PGPEP1L: variants seen among roughly 807,000 people sequenced by gnomAD.
PGPEP1L encodes pyroglutamyl-peptidase I like, also known as pyroglutamyl-peptidase 1-like protein.
PGPEP1L carries 7 observed loss-of-function variants against 6.0 expected under a neutral mutation model. The observed-to-expected ratio is 1.17, with a 90% confidence interval of 0.66 to 2.19. The LOEUF is 2.19. Among genes scored for constraint, PGPEP1L ranks in the 30% most tolerant of loss-of-function variants. The probability of loss-of-function intolerance (pLI) is 0.00; values close to 1 mark genes in which losing one functional copy is unlikely to be tolerated. For missense variants in PGPEP1L, 209 were observed against 192.5 expected (o/e 1.09, Z -0.51); for synonymous variants, 103 against 83.9 (o/e 1.23, Z -1.24).
chr15:98,982,699 G>GGTTTTTTTTTT (rs1567237917), intron 2 of PGPEP1L, among the ~76,000 whole-genome samples: 1 of 73,466 alleles, frequency 1.4e-5, no homozygotes. Context: ...TTTATCTGAG[G>GGTTTTTTTTTT]CTTTTTTTTT....
At chr15:98,999,871 A>C (rs902189181) in intron 2 of PGPEP1L, among the ~76,000 whole-genome samples, 1 of 152,276 alleles carries the variant, frequency 6.6e-6, no homozygotes, top group Non-Finnish European at 1.5e-5. Flanking sequence ...GCTACTGAGA[A>C]GGTGACAGCA....
chr15:98,977,323 T>C lies in PGPEP1L; in HGVS notation c.-141-6165A>G, dbSNP rs151274999. ...TTCTTAAGATAGAAATCAAAGTCACTGATTTGAGAACTTTCTTCTGCTATA... is the reference window on the plus strand; with the variant it reads ...TTCTTAAGATAGAAATCAAAGTCACCGATTTGAGAACTTTCTTCTGCTATA... On this transcript the variant is annotated intron_variant, in intron 2 of 4. Transcript: ENST00000535714. 9.7e-3 allele frequency among the ~76,000 whole-genome samples: 1,471 copies of C among 152,380 alleles called. 15 individuals carry two copies. Among genetic ancestry groups the C allele is most frequent in the Non-Finnish European group, 0.015 (1,007 of 68,030 alleles).
chr15:98,988,163 G>C (rs1399167986), intron 2 of PGPEP1L, among the ~76,000 whole-genome samples: 2 of 152,050 alleles, frequency 1.3e-5, no homozygotes, highest in African/African-American at 4.8e-5. Flanking sequence ...CCTGGAAAGA[G>C]GGTTGAAGCC....
Position 98,991,149 on chromosome 15 carries a change from C to CA in PGPEP1L, c.-142+14279dup, listed in dbSNP as rs141425966. ...GGAGATAGAGGCATGAAAAACCCTT[C>CA]AAAAAAAAAATCAATGAATCCAGGA... On this transcript the variant is annotated intron_variant, in intron 2 of 4. Coordinates refer to ENST00000535714, the MANE Select transcript of PGPEP1L (RefSeq NM_001167902.2). Among the ~76,000 whole-genome samples the CA allele has an allele frequency of 4.0e-3, 593 of 147,584 alleles. 3 individuals are homozygous for CA. The highest frequency in any genetic ancestry group is 0.014 in the Middle Eastern group (4 of 286).
chr15:98,984,437 G>A (rs181300394), intron 2 of PGPEP1L, among the ~76,000 whole-genome samples: 72 of 152,232 alleles, frequency 4.7e-4, no homozygotes, highest in African/African-American at 1.5e-3. Context: ...ACACATAGCC[G>A]GGCCCTTGGT....
At chr15:98,969,145 G>A (rs772890042) in intron 4 of PGPEP1L, among the ~76,000 whole-genome samples, 5 of 152,206 alleles carry the variant, frequency 3.3e-5, no homozygotes, top group Non-Finnish European at 7.3e-5. Context: ...AAACATTCAC[G>A]AAATGTTAGT....
rs371044221 is a variant in PGPEP1L at position 99,003,053 on chromosome 15, TTC to T, written c.-142+2374_-142+2375del. 5.4e-3 allele frequency among the ~76,000 whole-genome samples: 821 copies of T among 152,228 alleles called. 9 individuals carry two copies. The highest frequency in any genetic ancestry group is 0.017 in the African/African-American group (722 of 41,514). ...GTTGGCTCATGAGGAAGTAAAAACT[TTC>T]TGAGGGAATGAAACAGTTTTGGACA... On this transcript the variant is annotated intron_variant, in intron 2 of 4. Transcript: ENST00000535714.
intron 3 of PGPEP1L, among the ~76,000 whole-genome samples, chr15:98,969,961 A>G (rs1359888207): frequency 6.6e-6 from 1 of 152,060 alleles, no homozygotes; most frequent in Non-Finnish European, 1.5e-5. Flanking sequence ...GAGGGAGGAG[A>G]GGCAAGCTAG....
chr15:98,989,444 A>G (rs986107001), intron 2 of PGPEP1L, among the ~76,000 whole-genome samples: 24 of 152,280 alleles, frequency 1.6e-4, no homozygotes, highest in African/African-American at 5.8e-4. Context: ...AAAAAGAGTG[A>G]AAAGAAACAA....
At chr15:98,972,162 G>T (rs2017506267) in intron 2 of PGPEP1L, among the ~76,000 whole-genome samples, 2 of 152,076 alleles carry the variant, frequency 1.3e-5, no homozygotes. Context: ...ACACCAGCAT[G>T]ACTAACATGG....
intron 2 of PGPEP1L, among the ~76,000 whole-genome samples, chr15:98,983,049 C>A (rs2017690809): frequency 6.6e-6 from 1 of 151,850 alleles, no homozygotes; most frequent in Non-Finnish European, 1.5e-5. Flanking sequence ...CAAAACAAAC[C>A]CACTCTGGAC....
chr15:98,999,480 G>A (rs943951681), intron 2 of PGPEP1L, among the ~76,000 whole-genome samples: 5 of 152,190 alleles, frequency 3.3e-5, no homozygotes, highest in African/African-American at 1.2e-4. Context: ...CACATTGCTG[G>A]TGGGAATATA....
rs1044474552 is a variant in PGPEP1L, at chr15:98,971,245, G to A, written c.-141-87C>T. On this transcript the variant is annotated intron_variant, in intron 2 of 4. Transcript: ENST00000535714. Reference sequence around the variant, plus strand: ...AGAGTCCCTGAAAACCCAATCCTTGGGGTCTACTTCCAGGGGTCTTCCGCA... The same window carrying A: ...AGAGTCCCTGAAAACCCAATCCTTGAGGTCTACTTCCAGGGGTCTTCCGCA... 77 of 1,439,356 alleles carry A rather than the reference G, an allele frequency of 5.3e-5. 3 individuals are homozygous for A. The highest frequency in any genetic ancestry group is 6.9e-5 in the Non-Finnish European group (74 of 1,077,420). 89.2% of individuals were successfully genotyped at this position (1,439,356 alleles called of 1,614,324 possible).
At position 98,990,122 on chromosome 15, in the gene PGPEP1L, C is replaced by T. The variant is rs543086467; in HGVS notation, c.-142+15307G>A. On this transcript the variant is annotated intron_variant, in intron 2 of 4. Transcript: ENST00000535714. The stretch of plus-strand genomic sequence containing the variant: ...TATCATAATGACAGGATCAAATTCA[C>T]ACATAACAATATTAACCTTAAATGT... 5.9e-5 allele frequency among the ~76,000 whole-genome samples: 9 copies of T among 152,298 alleles called. No homozygotes were observed. The East Asian group carries it at 1.3e-3, about 23-fold the overall frequency.
chr15:99,003,572 C>G (rs2018005320), intron 2 of PGPEP1L, among the ~76,000 whole-genome samples: 1 of 152,130 alleles, frequency 6.6e-6, no homozygotes, highest in Non-Finnish European at 1.5e-5. Context: ...AGCCCTCGTT[C>G]TCCCACCATC....
chr15:99,003,052 T>C (rs2017996674), intron 2 of PGPEP1L, among the ~76,000 whole-genome samples: 1 of 151,982 alleles, frequency 6.6e-6, no homozygotes. Context: ...AAGTAAAAAC[T>C]TTCTGAGGGA....
chr15:99,007,026 G>A (rs754097763), intron 1 of PGPEP1L, among the ~76,000 whole-genome samples: 4 of 152,072 alleles, frequency 2.6e-5, no homozygotes, highest in Non-Finnish European at 5.9e-5. Context: ...GATATAAAGC[G>A]CTCCCTTTTA....
intron 2 of PGPEP1L, among the ~76,000 whole-genome samples, chr15:98,984,160 A>G (rs551336338): frequency 6.3e-4 from 95 of 151,748 alleles, no homozygotes; most frequent in African/African-American, 2.1e-3. Flanking sequence ...ACAGGCGCCC[A>G]CCACCACGCC....
At chr15:98,977,939 T>C (rs1419630615) in intron 2 of PGPEP1L, among the ~76,000 whole-genome samples, 6 of 152,222 alleles carry the variant, frequency 3.9e-5, no homozygotes, top group African/African-American at 9.6e-5. Flanking sequence ...CTACACGACA[T>C]TCTGACTCCA....
Sources: gnomAD v4.1 joint callset for allele counts (sites outside exome capture counted in the v4.1 genomes callset) on GRCh38, gnomAD v4.1.1 for gene constraint, MANE v1.5 for transcripts, NCBI Gene and HGNC (gene_info 2026-07-23, HGNC 2026-07-21) for gene names.